The following TRPC1 variants were observed in gnomAD, a reference collection of about 807,000 sequenced individuals.
TRPC1 encodes short transient receptor potential channel 1.
In TRPC1, 42 loss-of-function variants were observed where a neutral mutation model predicts 88.2. That is an observed-to-expected ratio of 0.48 (90% CI 0.37 to 0.62). The LOEUF (loss-of-function observed/expected upper bound fraction) is 0.62, where lower values mean the gene tolerates loss of function less well. Ranked by LOEUF, TRPC1 falls within the 20% of genes least tolerant of loss-of-function variation. The pLI, the probability that TRPC1 is intolerant of heterozygous loss-of-function variation, is 0.00. For missense variants in TRPC1, 699 were observed against 957.3 expected (o/e 0.73, Z 3.56); for synonymous variants, 288 against 331.8 (o/e 0.87, Z 1.43).
Position 142,724,452 on chromosome 3 carries a change from A to G in TRPC1, c.-108A>G. 8.9e-7 allele frequency: 1 copy of G among 1,122,494 alleles called. No individual in the cohort carries two copies. Among genetic ancestry groups the G allele is most frequent in the Non-Finnish European group, 1.2e-6 (1 of 834,256 alleles). The allele number at this position is 1,122,494 out of a possible 1,614,324, so 69.5% of individuals were successfully genotyped here. ...GCCTCGAGCCGAGGCAGCAGTGGGAACGACTCATCCTTTTTCCAGCCCTGG... is the reference window on the plus strand; with the variant it reads ...GCCTCGAGCCGAGGCAGCAGTGGGAGCGACTCATCCTTTTTCCAGCCCTGG... On this transcript the variant is annotated 5_prime_UTR_variant, in exon 1 of 13. Coordinates refer to ENST00000476941, the MANE Select transcript of TRPC1 (RefSeq NM_001251845.2). The surrounding 1 kb of genome is among the most constrained non-coding windows in gnomAD (Gnocchi z 5.6).
intron 10 of TRPC1, 32 bp downstream of exon 10, chr3:142,802,376 ATT>A: frequency 7.6e-7 from 1 of 1,309,684 alleles, no homozygotes; most frequent in South Asian, 2.6e-5. Context: ...TAGTAAATAT[ATT>A]TGTCTTTTTT....
chr3:142,746,556 G>GA (rs1934562917), intron 3 of TRPC1, among the ~76,000 whole-genome samples: 1 of 152,068 alleles, frequency 6.6e-6, no homozygotes. Context: ...AAAAGAGGAG[G>GA]AAAATCAGAT....
chr3:142,744,068 A>G (rs1015846133), intron 3 of TRPC1, among the ~76,000 whole-genome samples: 1 of 152,146 alleles, frequency 6.6e-6, no homozygotes, highest in Non-Finnish European at 1.5e-5. Flanking sequence ...AAGCAGATGA[A>G]TAACTGGCAA....
rs59126201 is a variant in TRPC1 at position 142,732,966 on chromosome 3, C to CTT, written c.173-3401_173-3400dup. Among the ~76,000 whole-genome samples, 605 of 144,222 alleles carry CTT rather than the reference C, an allele frequency of 4.2e-3. 2 individuals carry two copies. Among genetic ancestry groups the CTT allele is most frequent in the Middle Eastern group, 0.022 (6 of 276 alleles). The allele number at this position is 144,222 out of a possible 152,430, so 94.6% of individuals were successfully genotyped here. On this transcript the variant is annotated intron_variant, in intron 1 of 12. Coordinates refer to ENST00000476941, the MANE Select transcript of TRPC1 (RefSeq NM_001251845.2). ...TCCTAAAAATTAAGAGTGTTCTGGTCTTTTTTTTTTTTTGACATAGTGCAT... is the reference window on the plus strand; with the variant it reads ...TCCTAAAAATTAAGAGTGTTCTGGTCTTTTTTTTTTTTTTTGACATAGTGCAT...
intron 2 of TRPC1, among the ~76,000 whole-genome samples, chr3:142,741,753 G>C (rs913307041): frequency 6.6e-6 from 1 of 152,184 alleles, no homozygotes; most frequent in African/African-American, 2.4e-5. Context: ...GTTTCTTTGT[G>C]ACAGCTCAAT....
intron 4 of TRPC1, among the ~76,000 whole-genome samples, chr3:142,756,258 G>A (rs371606450): frequency 6.6e-6 from 1 of 152,134 alleles, no homozygotes; most frequent in East Asian, 1.9e-4. Context: ...TAGACACCTA[G>A]GAATGGAATT....
Position 142,806,136 on chromosome 3 carries a change from A to G in TRPC1, c.2283A>G (p.Leu761=). Residue 761 remains leucine, a synonymous_variant, in exon 13 of 13, where the codon CTA becomes CTG. Coordinates refer to ENST00000476941, the MANE Select transcript of TRPC1 (RefSeq NM_001251845.2). ...QSTDQATVEN[L]NELRQDLSKF... is the part of the protein sequence containing the mutation. ...CAGATCAGGCAACTGTGGAAAATCT[A>G]AACGAACTGCGCCAAGATCTGTCAA... is the stretch of plus-strand genomic sequence containing the variant. 6.2e-7 allele frequency: 1 copy of G among 1,613,916 alleles called. No homozygotes were observed. The highest frequency in any genetic ancestry group is 8.5e-7 in the Non-Finnish European group (1 of 1,179,852).
intron 3 of TRPC1, among the ~76,000 whole-genome samples, chr3:142,745,235 CA>C (rs1171904550): frequency 6.6e-6 from 1 of 152,188 alleles, no homozygotes; most frequent in Non-Finnish European, 1.5e-5. Context: ...TATTTTGGCA[CA>C]CCTGTCCCAT....
chr3:142,799,712 A>G (rs1251731133), intron 9 of TRPC1, among the ~76,000 whole-genome samples: 1 of 151,974 alleles, frequency 6.6e-6, no homozygotes, highest in Admixed American at 6.6e-5. Flanking sequence ...AGTGGGGAGG[A>G]CTGCTGAAGC....
chr3:142,736,089 A>G (rs569718196), intron 1 of TRPC1, among the ~76,000 whole-genome samples: 1 of 152,138 alleles, frequency 6.6e-6, no homozygotes, highest in African/African-American at 2.4e-5. Context: ...TATCTTCCAA[A>G]AGTTTCTCCT....
intron 7 of TRPC1, among the ~76,000 whole-genome samples, chr3:142,785,927 C>T (rs1374701048): frequency 6.6e-6 from 1 of 152,184 alleles, no homozygotes. Context: ...ATAGCCAGAT[C>T]TCTTTAGAAA....
rs1169510942 is a variant in TRPC1 at position 142,770,150 on chromosome 3, T to C, written c.633-7482T>C. Among the ~76,000 whole-genome samples the C allele has an allele frequency of 2.2e-5, 3 of 139,506 alleles. No homozygotes were observed. The East Asian group carries it at 7.1e-4, about 33-fold the overall frequency. 91.5% of individuals were successfully genotyped at this position (139,506 alleles called of 152,430 possible). ...TCTCACTCTGTCACCCAGGCTGGAA[T>C]GCAGTGGTGCAATCTTGGCTACTGT... On this transcript the variant is annotated intron_variant, in intron 4 of 12. Coordinates refer to ENST00000476941, the MANE Select transcript of TRPC1 (RefSeq NM_001251845.2).
chr3:142,729,503 T>A (rs1399659795), intron 1 of TRPC1, among the ~76,000 whole-genome samples: 1 of 152,170 alleles, frequency 6.6e-6, no homozygotes, highest in Non-Finnish European at 1.5e-5. Context: ...TTAAATGGCC[T>A]ATATGTGATT....
At chr3:142,797,472 C>G (rs753716763) in intron 9 of TRPC1, among the ~76,000 whole-genome samples, 2 of 152,062 alleles carry the variant, frequency 1.3e-5, no homozygotes, top group Non-Finnish European at 2.9e-5. Context: ...GAGGGGAGCT[C>G]TTGAGGGTCT....
At chr3:142,737,403 A>G (rs1319388320) in intron 2 of TRPC1, among the ~76,000 whole-genome samples, 1 of 102,512 alleles carries the variant, frequency 9.8e-6, no homozygotes, top group Admixed American at 9.2e-5. Context: ...TGTTTGGAGT[A>G]AAAAAAAAAG....
rs1491530410 is a variant in TRPC1, at chr3:142,806,388, GTA to G, written c.*154_*155del. 5.9e-6 allele frequency: 4 copies of G among 675,656 alleles called. No homozygotes were observed. Among genetic ancestry groups the G allele is most frequent in the Non-Finnish European group, 7.1e-6 (3 of 423,210 alleles). The allele number at this position is 675,656 out of a possible 1,614,324, so 41.9% of individuals were successfully genotyped here. ...TATTTATAGCATAAATATATGTTATGTAAAGTGTGTATATAGAATTAGTTTTT... is the reference window on the plus strand; with the variant it reads ...TATTTATAGCATAAATATATGTTATGAAGTGTGTATATAGAATTAGTTTTT... On this transcript the variant is annotated 3_prime_UTR_variant, in exon 13 of 13. Transcript: ENST00000476941.
chr3:142,785,608 T>C (rs72990731), intron 7 of TRPC1, among the ~76,000 whole-genome samples: 10,659 of 152,164 alleles, frequency 0.07, 1,217 homozygotes, highest in African/African-American at 0.24. Context: ...TTCAAACGAT[T>C]CTCCTGCCTT....
chr3:142,759,483 A>G (rs1174626898), intron 4 of TRPC1, among the ~76,000 whole-genome samples: 1 of 152,190 alleles, frequency 6.6e-6, no homozygotes, highest in Non-Finnish European at 1.5e-5. Flanking sequence ...TCTTTTGAGA[A>G]GTGTCTGTTC....
chr3:142,737,334 A>G (rs6791784), intron 2 of TRPC1, among the ~76,000 whole-genome samples: 13,571 of 147,324 alleles, frequency 0.092, 1,428 homozygotes, highest in African/African-American at 0.26. Flanking sequence ...TTATATATAT[A>G]TATGTATGTA....
Sources: gnomAD v4.1 joint callset for allele counts (sites outside exome capture counted in the v4.1 genomes callset) on GRCh38, gnomAD v4.1.1 for gene constraint, Gnocchi (gnomAD v3.1) non-coding constraint, MANE v1.5 for transcripts, NCBI Gene and HGNC (gene_info 2026-07-23, HGNC 2026-07-21) for gene names.